The following PPFIA1 variants were observed in gnomAD, a reference collection of about 807,000 sequenced individuals.
PPFIA1 encodes PPFI scaffold protein A1.
PPFIA1 carries 25 observed loss-of-function variants against 149.9 expected under a neutral mutation model. The observed-to-expected ratio is 0.17, with a 90% CI of 0.12 to 0.23. The LOEUF (loss-of-function observed/expected upper bound fraction) is 0.23. Among genes scored for constraint, PPFIA1 ranks in the 10% least tolerant of loss-of-function variants. The pLI, the probability that PPFIA1 is intolerant of heterozygous loss-of-function variation, is 1.00. For missense variants in PPFIA1, 1,362 were observed against 1,506.5 expected (o/e 0.90, Z 1.59); for synonymous variants, 549 against 552.8 (o/e 0.99, Z 0.10).
chr11:70,336,850 G>T (rs912995134), intron 11 of PPFIA1, among the ~76,000 whole-genome samples: 3 of 152,190 alleles, frequency 2.0e-5, no homozygotes, highest in African/African-American at 7.2e-5. Flanking sequence ...TAGGATTGGG[G>T]TCTGCTCATC....
At chr11:70,322,949 CAT>C (rs2307683) in intron 2 of PPFIA1, among the ~76,000 whole-genome samples, 27,664 of 152,144 alleles carry the variant, frequency 0.18, 3,261 homozygotes, top group East Asian at 0.38. Flanking sequence ...CTGAGCCCCA[CAT>C]ATGTTTCTGT....
intron 8 of PPFIA1, 139 bp downstream of exon 8, chr11:70,330,458 G>A (rs1005084809): frequency 1.6e-5 from 11 of 670,650 alleles, no homozygotes; most frequent in African/African-American, 1.9e-5. Flanking sequence ...TTCAAGACAT[G>A]TGGGAGTTCC....
At chr11:70,357,013 G>A (rs1348779394) in intron 19 of PPFIA1, among the ~76,000 whole-genome samples, 1 of 152,054 alleles carries the variant, frequency 6.6e-6, no homozygotes, top group Admixed American at 6.5e-5. Flanking sequence ...GGGCCTTCTG[G>A]GATGCGGGGT....
intron 15 of PPFIA1, among the ~76,000 whole-genome samples, chr11:70,344,631 C>T (rs1056948010): frequency 6.6e-6 from 1 of 152,232 alleles, no homozygotes; most frequent in Non-Finnish European, 1.5e-5. Flanking sequence ...TTGGTCTGTT[C>T]AGCAGCGTTT....
At position 70,378,102 on chromosome 11, in the gene PPFIA1, G is replaced by T; in HGVS notation, c.3457G>T (p.Ala1153Ser). ...TAGACCAAAGGACATTCGTGGCTTA[G>T]CTGCTGGGTCAGCAGAGACTCTCCC... The part of the protein sequence containing the change: ...KFRPKDIRGL[A>S]AGSAETLPAN... Residue 1153 changes from alanine to serine, a missense_variant, in exon 26 of 28, where the codon GCT (alanine) becomes TCT (serine). Physicochemically the swap from Ala to Ser is moderately conservative, Grantham distance 99. This residue lies in a region of PPFIA1 where 349 missense variants were observed against 373.3 expected (regional missense o/e 0.93). Coordinates refer to ENST00000253925, the MANE Select transcript of PPFIA1 (RefSeq NM_003626.5). 1 of 1,614,170 alleles carries T rather than the reference G, an allele frequency of 6.2e-7. No individual in the cohort carries two copies. The highest frequency in any genetic ancestry group is 1.1e-5 in the South Asian group (1 of 91,080).
chr11:70,376,522 G>C lies in PPFIA1; in HGVS notation c.3316-10G>C, dbSNP rs768336047. 2 of 1,609,842 alleles carry C rather than the reference G, an allele frequency of 1.2e-6. No homozygotes were observed. Among genetic ancestry groups the C allele is most frequent in the Non-Finnish European group, 1.7e-6 (2 of 1,176,276 alleles). On this transcript the variant is annotated splice_polypyrimidine_tract_variant and intron_variant, in intron 24 of 27. Coordinates refer to ENST00000253925, the MANE Select transcript of PPFIA1 (RefSeq NM_003626.5). ...TGAAAGTTTTATTTGTTTTTCTTTG[G>C]TTATTTCAGGCTCGTGCTGTCTTGG...
In PPFIA1 at chr11:70,326,808, A is replaced by G. The variant is rs545666786; in HGVS notation, c.920A>G (p.Asp307Gly). Reference protein sequence around the residue: ...SEEMNTKLQRDVREAMAQKED... With the variant: ...SEEMNTKLQRGVREAMAQKED... ...GAAATGAACACAAAATTGCAACGAG[A>G]TGTCCGTGAAGTGAGCAATAACAAA... The change falls in exon 7 of 28, where the codon GAT becomes GGT. Residue 307 changes from aspartate to glycine, a missense_variant. By Grantham distance (94) the Asp-to-Gly change is moderately conservative. Around this residue, in one of 7 missense-constraint regions of PPFIA1, gnomAD observed 733 missense variants for 744.1 expected, o/e 0.99. Transcript: ENST00000253925. The G allele has an allele frequency of 6.2e-7, 1 of 1,613,496 alleles. No homozygotes were observed. The highest frequency in any genetic ancestry group is 8.5e-7 in the Non-Finnish European group (1 of 1,179,456).
rs138268030 is a variant in PPFIA1, at chr11:70,375,080, C to T, written c.3302C>T (p.Thr1101Met). 4.0e-5 allele frequency: 65 copies of T among 1,610,034 alleles called. No individual in the cohort carries two copies. The highest frequency in any genetic ancestry group is 3.3e-4 in the Middle Eastern group (2 of 6,054). ...CTGGCACTGCTGTTACAGATCCCGA[C>T]GCAGAACACACAGGTGACGCCAAAC... ...SALALLLQIPTQNTQARAVLE... is the reference protein window; with the variant it reads ...SALALLLQIPMQNTQARAVLE... Residue 1101 changes from threonine (T) to methionine (M), a missense_variant, in exon 24 of 28, where the codon ACG (threonine) becomes ATG (methionine). Physicochemically the swap from Thr to Met is moderately conservative, Grantham distance 81 (BLOSUM62 -1). Transcript: ENST00000253925.
intron 21 of PPFIA1, chr11:70,367,706 T>C: frequency 2.4e-6 from 1 of 413,246 alleles, no homozygotes; most frequent in South Asian, 1.7e-5. Flanking sequence ...GAGCAGAGCA[T>C]ATAATGAGGA....
In PPFIA1 at chr11:70,273,897, G is replaced by A. The variant is rs546754847; in HGVS notation, c.264+1461G>A. 7.9e-5 allele frequency among the ~76,000 whole-genome samples: 12 copies of A among 152,260 alleles called. No individual in the cohort carries two copies. In the East Asian group the frequency reaches 2.3e-3, roughly 29 times the overall value. ...AATACTAATATACTTAATAAGGTAGGTTTTGGAAAGAATGGGCACACAAGA... is the reference window on the plus strand; with the variant it reads ...AATACTAATATACTTAATAAGGTAGATTTTGGAAAGAATGGGCACACAAGA... On this transcript the variant is annotated intron_variant, in intron 2 of 27. Coordinates refer to ENST00000253925, the MANE Select transcript of PPFIA1 (RefSeq NM_003626.5).
chr11:70,331,171 G>T (rs1459774902), intron 8 of PPFIA1, among the ~76,000 whole-genome samples: 4 of 151,404 alleles, frequency 2.6e-5, no homozygotes, highest in African/African-American at 9.7e-5. Context: ...AGAGGCGGAG[G>T]TTGCAGTGAG....
chr11:70,310,534 C>A (rs143913895), intron 2 of PPFIA1, among the ~76,000 whole-genome samples: 1 of 151,752 alleles, frequency 6.6e-6, no homozygotes, highest in Non-Finnish European at 1.5e-5. Flanking sequence ...TACAGGTGCG[C>A]GCCACCACGC....
chr11:70,326,678 A>C lies in PPFIA1; in HGVS notation c.790A>C (p.Arg264=). 1 of 1,614,192 alleles carries C rather than the reference A, an allele frequency of 6.2e-7. No individual in the cohort carries two copies. Among genetic ancestry groups the C allele is most frequent in the Non-Finnish European group, 8.5e-7 (1 of 1,180,022 alleles). Residue 264 remains arginine, a synonymous_variant, in exon 7 of 28, where the codon AGG becomes CGG. Transcript: ENST00000253925. Reference sequence around the variant, plus strand: ...CCAAGAAATCATAAGTAAGCAGTCAAGGGAACAGAGCCAAATGAAAGAACG... The same window carrying C: ...CCAAGAAATCATAAGTAAGCAGTCACGGGAACAGAGCCAAATGAAAGAACG... ...ELQEIISKQS[R]EQSQMKERLA...
At chr11:70,283,993 C>A in intron 2 of PPFIA1, 1 of 534,024 alleles carries the variant, frequency 1.9e-6, no homozygotes, top group South Asian at 1.4e-5. Context: ...TGCAAAAGTA[C>A]TTGCGGATTT....
At chr11:70,335,383 C>T (rs7123602) in intron 10 of PPFIA1, among the ~76,000 whole-genome samples, 180 bp from the exon 11 acceptor site, 34,466 of 152,080 alleles carry the variant, frequency 0.23, 6,066 homozygotes, top group African/African-American at 0.49. Flanking sequence ...TTGTCCCGTG[C>T]TCCCTGTGTC....
At chr11:70,271,036 T>TG (rs1454120591) in intron 1 of PPFIA1, 122 bp downstream of exon 1, 2 of 151,230 alleles carry the variant, frequency 1.3e-5, no homozygotes, top group Non-Finnish European at 2.9e-5. Context: ...CCGGGACGGG[T>TG]GGGGGCGAGG....
Position 70,372,229 on chromosome 11 carries a change from G to A in PPFIA1, c.2880G>A (p.Gly960=). ...PPTSRTTLAY[G]DMNHEWIGNE... is the part of the protein sequence containing the mutation. ...ATGAAAAGCAGACACTCGCCTATGG[G>A]GACATGAACCACGAGTGGATCGGCA... is the stretch of plus-strand genomic sequence containing the variant. The change falls in exon 22 of 28, where the codon GGG becomes GGA. Residue 960 remains glycine (G), a synonymous_variant. Coordinates refer to ENST00000253925, the MANE Select transcript of PPFIA1 (RefSeq NM_003626.5). 6.2e-7 allele frequency: 1 copy of A among 1,613,388 alleles called. No individual in the cohort carries two copies. Among genetic ancestry groups the A allele is most frequent in the Non-Finnish European group, 8.5e-7 (1 of 1,179,792 alleles).
At chr11:70,297,532 C>G (rs1462768536) in intron 2 of PPFIA1, among the ~76,000 whole-genome samples, 1 of 152,168 alleles carries the variant, frequency 6.6e-6, no homozygotes, top group Non-Finnish European at 1.5e-5. Flanking sequence ...AGGGTGCATT[C>G]ATGTGTGAGA....
At position 70,270,723 on chromosome 11, in the gene PPFIA1, C is replaced by A. The variant is rs1005466127; in HGVS notation, c.-192C>A. On this transcript the variant is annotated 5_prime_UTR_variant, in exon 1 of 28. Coordinates refer to ENST00000253925, the MANE Select transcript of PPFIA1 (RefSeq NM_003626.5). The stretch of plus-strand genomic sequence containing the variant: ...GCGCCGCGCAGCCGGGCCCGCTCCT[C>A]CTCCGCTCCGCCAGTGTCCGGCCGC... 7 of 151,186 alleles carry A rather than the reference C, an allele frequency of 4.6e-5. No homozygotes were observed. Among genetic ancestry groups the A allele is most frequent in the Non-Finnish European group, 8.9e-5 (6 of 67,670 alleles). 9.4% of individuals were successfully genotyped at this position (151,186 alleles called of 1,614,324 possible).
Sources: gnomAD v4.1 joint callset for allele counts (sites outside exome capture counted in the v4.1 genomes callset) on GRCh38, gnomAD v4.1.1 for gene constraint, gnomAD v4.1.1 regional missense constraint, MANE v1.5 for transcripts, NCBI Gene and HGNC (gene_info 2026-07-23, HGNC 2026-07-21) for gene names.